The following DAAM1 variants were observed in gnomAD, a reference collection of about 807,000 sequenced individuals.
The protein encoded by DAAM1 is dishevelled associated activator of morphogenesis 1.
DAAM1 carries 52 observed loss-of-function variants against 130.0 expected under a neutral mutation model. The observed-to-expected ratio is 0.40, with a 90% confidence interval of 0.32 to 0.50. The LOEUF is 0.50. Among genes scored for constraint, DAAM1 ranks in the 20% least tolerant of loss-of-function variants. The pLI, the probability that DAAM1 is intolerant of heterozygous loss-of-function variation, is 0.61. For synonymous variants in DAAM1, 452 were observed against 444.5 expected (o/e 1.02, Z -0.21); for missense variants, 1,134 against 1,303.8 (o/e 0.87, Z 2.01).
rs901831176 is a variant in DAAM1, at chr14:59,238,902, C to T, written c.-37-24539C>T. ...GCATCAGAGACTTTCAGAGAAGGAG[C>T]CTAAGGCTACCCTTTATTAGATAAT... On this transcript the variant is annotated intron_variant, in intron 1 of 24. Coordinates refer to ENST00000360909, the MANE Select transcript of DAAM1 (RefSeq NM_001270520.2). Among the ~76,000 whole-genome samples, 4 of 152,064 alleles carry T rather than the reference C, an allele frequency of 2.6e-5. No individual in the cohort carries two copies. In the East Asian group the frequency reaches 7.7e-4, roughly 29 times the overall value.
At position 59,363,728 on chromosome 14, in the gene DAAM1, A is replaced by G. The variant is rs61755341; in HGVS notation, c.2772A>G (p.Val924=). 609 of 1,614,152 alleles carry G rather than the reference A, an allele frequency of 3.8e-4. 6 individuals are homozygous for G. In the Admixed American group the frequency reaches 9.6e-3, roughly 26 times the overall value. ...CTGTTGTCAGCCAGTTCATCACAGT[A>G]GCCAGCTTCAGCTTCTCTGATGTTG... ...FVSVVSQFIT[V]ASFSFSDVED... Residue 924 remains valine, a synonymous_variant, in exon 23 of 25, where the codon GTA becomes GTG. Coordinates refer to ENST00000360909, the MANE Select transcript of DAAM1 (RefSeq NM_001270520.2).
At chr14:59,331,991 C>G (rs908630494) in intron 15 of DAAM1, 71 bp downstream of exon 15, 2 of 1,319,098 alleles carry the variant, frequency 1.5e-6, no homozygotes, top group Non-Finnish European at 2.2e-6. Context: ...TCTGGCCCAT[C>G]AGCCATGGCC....
At chr14:59,361,816 C>T (rs1415485190) in intron 22 of DAAM1, among the ~76,000 whole-genome samples, 2 of 152,178 alleles carry the variant, frequency 1.3e-5, no homozygotes, top group African/African-American at 4.8e-5. Flanking sequence ...GATTTGCAGG[C>T]AGCTTGGAAA....
At chr14:59,313,287 G>A (rs1884662858) in intron 3 of DAAM1, among the ~76,000 whole-genome samples, 1 of 152,222 alleles carries the variant, frequency 6.6e-6, no homozygotes, top group Non-Finnish European at 1.5e-5. Flanking sequence ...TAAGAACTCT[G>A]AGGATCACGT....
intron 3 of DAAM1, among the ~76,000 whole-genome samples, chr14:59,306,085 T>TA (rs1480121860): frequency 6.6e-6 from 1 of 151,712 alleles, no homozygotes; most frequent in African/African-American, 2.4e-5. Flanking sequence ...GACTGTTGTT[T>TA]TTTTTTTAAC....
intron 3 of DAAM1, among the ~76,000 whole-genome samples, chr14:59,306,084 T>TG (rs981703744): frequency 3.3e-5 from 5 of 151,306 alleles, no homozygotes; most frequent in Non-Finnish European, 5.9e-5. Context: ...TGACTGTTGT[T>TG]TTTTTTTTAA....
At chr14:59,271,176 G>A (rs1882691300) in intron 2 of DAAM1, among the ~76,000 whole-genome samples, 1 of 152,108 alleles carries the variant, frequency 6.6e-6, no homozygotes, top group African/African-American at 2.4e-5. Context: ...TTAGGCCAGT[G>A]GGTCTAATGT....
At chr14:59,363,412 C>T (rs553277852) in intron 22 of DAAM1, 1 of 421,524 alleles carries the variant, frequency 2.4e-6, no homozygotes, top group East Asian at 4.6e-5. Context: ...TCACATAGAT[C>T]AAGTACTTAG....
intron 22 of DAAM1, 46 bp downstream of exon 22, chr14:59,360,908 T>C (rs1346337731): frequency 1.3e-6 from 2 of 1,565,830 alleles, no homozygotes; most frequent in East Asian, 4.5e-5. Flanking sequence ...CTCTTCACTA[T>C]CTCTAGTGCT....
chr14:59,269,781 A>ATTT, intron 2 of DAAM1, among the ~76,000 whole-genome samples: 1 of 152,292 alleles, frequency 6.6e-6, no homozygotes, highest in Non-Finnish European at 1.5e-5. Flanking sequence ...AGGAAAGAAA[A>ATTT]GAGTGTTACA....
At chr14:59,281,294 G>A (rs1883205634) in intron 2 of DAAM1, among the ~76,000 whole-genome samples, 1 of 152,146 alleles carries the variant, frequency 6.6e-6, no homozygotes, top group Admixed American at 6.6e-5. Flanking sequence ...CACCAGGCTA[G>A]CAGGGGGACC....
intron 1 of DAAM1, among the ~76,000 whole-genome samples, chr14:59,202,970 C>G (rs1398587628): frequency 1.3e-5 from 2 of 151,302 alleles, no homozygotes; most frequent in Non-Finnish European, 2.9e-5. Context: ...GAAAGAAGGA[C>G]AGTTAAAGAC....
intron 1 of DAAM1, among the ~76,000 whole-genome samples, chr14:59,254,925 C>A (rs1370461704): frequency 6.6e-6 from 1 of 152,144 alleles, no homozygotes; most frequent in Non-Finnish European, 1.5e-5. Flanking sequence ...CTGGTTGAGG[C>A]CTGGTTTGGC....
At chr14:59,335,345 C>T (rs1477886344) in intron 15 of DAAM1, among the ~76,000 whole-genome samples, 1 of 152,166 alleles carries the variant, frequency 6.6e-6, no homozygotes, top group African/African-American at 2.4e-5. Context: ...TCCAAAAGTT[C>T]ATTTGAAAGT....
In DAAM1 at chr14:59,323,973, C is replaced by A. The variant is rs554863012; in HGVS notation, c.775-155C>A. ...CGTGAACCCGGGAGGTGGAGGTTGC[C>A]GTGAGCTGAGATCATGCCACCGCAC... is the stretch of plus-strand genomic sequence containing the variant. On this transcript the variant is annotated intron_variant, in intron 6 of 24. Coordinates refer to ENST00000360909, the MANE Select transcript of DAAM1 (RefSeq NM_001270520.2). Among the ~76,000 whole-genome samples, 4 of 151,176 alleles carry A rather than the reference C, an allele frequency of 2.6e-5. 1 individual carries two copies. The East Asian group carries it at 7.8e-4, about 29-fold the overall frequency.
At chr14:59,326,395 G>A in intron 10 of DAAM1, 115 bp from the exon 11 acceptor site, 1 of 1,062,422 alleles carries the variant, frequency 9.4e-7, no homozygotes, top group Non-Finnish European at 1.3e-6. Flanking sequence ...CATTGGTGCA[G>A]ATGTTATAAA....
chr14:59,196,449 ATTGT>A (rs1324401905), intron 1 of DAAM1, among the ~76,000 whole-genome samples: 1 of 152,218 alleles, frequency 6.6e-6, no homozygotes, highest in African/African-American at 2.4e-5. Flanking sequence ...TACAAAATTA[ATTGT>A]AAGAAATGGG....
chr14:59,368,243 C>T (rs1407531696), intron 24 of DAAM1, among the ~76,000 whole-genome samples: 1 of 143,098 alleles, frequency 7.0e-6, no homozygotes, highest in Non-Finnish European at 1.5e-5. Flanking sequence ...TTCAGGCTTC[C>T]ACAGTAGACA....
intron 3 of DAAM1, among the ~76,000 whole-genome samples, chr14:59,291,920 AGGGGTTCTATTACCTCAAGAGATGG>A: frequency 6.6e-6 from 1 of 152,272 alleles, no homozygotes. Context: ...TTTAAGATCT[AGGGGTTCTATTACCTCAAGAGATGG>A]GGAGAATGGA....
Sources: allele counts gnomAD v4.1 joint callset (sites outside exome capture counted in the v4.1 genomes callset), GRCh38; gene constraint gnomAD v4.1.1; transcripts MANE v1.5; gene names NCBI Gene and HGNC (gene_info 2026-07-23, HGNC 2026-07-21).